The following LTBP1 variants were observed in gnomAD, a reference collection of about 807,000 sequenced individuals.
The protein encoded by LTBP1 is latent-transforming growth factor beta-binding protein 1.
LTBP1 carries 129 observed loss-of-function variants against 207.6 expected under a neutral mutation model. That is an observed-to-expected ratio of 0.62 (90% CI 0.54 to 0.72). The LOEUF (loss-of-function observed/expected upper bound fraction) is 0.72. LTBP1 is among the 30% of genes least tolerant of loss of function. LTBP1 has a pLI of 0.00. For synonymous variants in LTBP1, 963 were observed against 833.7 expected (o/e 1.16, Z -2.67); for missense variants, 2,281 against 2,217.2 (o/e 1.03, Z -0.58).
chr2:33,370,229 A>G (rs567142222), intron 31 of LTBP1, among the ~76,000 whole-genome samples: 92 of 152,256 alleles, frequency 6.0e-4, no homozygotes, highest in Non-Finnish European at 9.6e-4. Context: ...TGCATTTTCA[A>G]ATGTAATTAA....
chr2:33,108,864 T>C (rs2080225578), intron 3 of LTBP1, among the ~76,000 whole-genome samples: 4 of 152,170 alleles, frequency 2.6e-5, no homozygotes, highest in Admixed American at 2.0e-4. Context: ...TGCTGCTCTA[T>C]CCCAACCAAA....
At chr2:33,145,757 C>T (rs1321353345) in intron 5 of LTBP1, among the ~76,000 whole-genome samples, 1 of 152,020 alleles carries the variant, frequency 6.6e-6, no homozygotes, top group East Asian at 1.9e-4. Flanking sequence ...AACATTAATG[C>T]CAAAATTGTG....
chr2:33,324,742 C>T lies in LTBP1; in HGVS notation c.3730+9473C>T, dbSNP rs147746837. Among the ~76,000 whole-genome samples the T allele has an allele frequency of 5.9e-3, 855 of 145,112 alleles. 6 individuals carry two copies. The highest frequency in any genetic ancestry group is 0.022 in the African/African-American group (822 of 37,972). On this transcript the variant is annotated intron_variant, in intron 24 of 33. Transcript: ENST00000404816. ...TTTGAGACGGAGTCTCCTTCTGTCACCCAGGCTGGAGTGCAGTAGCGTGAT... is the reference window on the plus strand; with the variant it reads ...TTTGAGACGGAGTCTCCTTCTGTCATCCAGGCTGGAGTGCAGTAGCGTGAT...
intron 11 of LTBP1, among the ~76,000 whole-genome samples, chr2:33,254,851 GGTTTTTTTTTTTTTTTTTT>G (rs1388876620): frequency 7.1e-4 from 5 of 7,062 alleles, no homozygotes; most frequent in African/African-American, 1.8e-3. Context: ...TGCGGTGTTT[GGTTTTTTTTTTTTTTTTTT>G]TTTTTTTTTT....
chr2:33,268,997 G>A (rs751949674), intron 15 of LTBP1, among the ~76,000 whole-genome samples: 30 of 152,100 alleles, frequency 2.0e-4, no homozygotes, highest in Non-Finnish European at 3.5e-4. Context: ...TGTCCCTCAA[G>A]CATATTACCA....
chr2:33,361,396 T>TG, intron 27 of LTBP1, 33 bp from the exon 28 acceptor site: 1 of 1,025,428 alleles, frequency 9.8e-7, no homozygotes, highest in South Asian at 1.4e-5. Flanking sequence ...AGATGTTGAA[T>TG]CTTTTTTTTT....
At chr2:33,149,922 G>A (rs2083375825) in intron 5 of LTBP1, among the ~76,000 whole-genome samples, 1 of 152,110 alleles carries the variant, frequency 6.6e-6, no homozygotes, top group African/African-American at 2.4e-5. Context: ...CCTTGGGAGG[G>A]TATGGGTTTG....
At chr2:33,241,033 G>A (rs1365279559) in intron 9 of LTBP1, among the ~76,000 whole-genome samples, 1 of 152,156 alleles carries the variant, frequency 6.6e-6, no homozygotes, top group African/African-American at 2.4e-5. Context: ...ACTTAAGATT[G>A]ATATATTCTA....
chr2:33,172,952 C>G (rs909180810), intron 5 of LTBP1, among the ~76,000 whole-genome samples: 1 of 152,050 alleles, frequency 6.6e-6, no homozygotes, highest in African/African-American at 2.4e-5. Flanking sequence ...TTCTTTGAAA[C>G]CAACGAGAAC....
In LTBP1 at chr2:33,347,259, G is replaced by T. The variant is rs138676732; in HGVS notation, c.3857-108G>T. 9 of 1,254,118 alleles carry T rather than the reference G, an allele frequency of 7.2e-6. No individual in the cohort carries two copies. The Admixed American group carries it at 9.9e-5, about 14-fold the overall frequency. 77.7% of individuals were successfully genotyped at this position (1,254,118 alleles called of 1,614,324 possible). On this transcript the variant is annotated intron_variant, in intron 25 of 33. Coordinates refer to ENST00000404816, the MANE Select transcript of LTBP1 (RefSeq NM_206943.4). ...AGAAGGGGTTTGACTGCTCTCTGGG[G>T]ATCGCCTTCTTTTCAGCAAGACACT...
intron 7 of LTBP1, among the ~76,000 whole-genome samples, chr2:33,203,754 A>G (rs1190453226): frequency 1.3e-5 from 2 of 152,206 alleles, no homozygotes; most frequent in Non-Finnish European, 2.9e-5. Flanking sequence ...CTGTTCCTAC[A>G]TAGGAATAAG....
chr2:33,304,548 C>T lies in LTBP1; in HGVS notation c.3481+2904C>T, dbSNP rs190760836. Among the ~76,000 whole-genome samples the T allele has an allele frequency of 2.0e-3, 310 of 152,328 alleles. 2 individuals carry two copies. The highest frequency in any genetic ancestry group is 6.9e-3 in the African/African-American group (285 of 41,574). Reference sequence around the variant, plus strand: ...TGCCTGCTTCTGTGCGCTACTGACTCCAGCATGCTTGGTAGCTAGTCATTC... The same window carrying T: ...TGCCTGCTTCTGTGCGCTACTGACTTCAGCATGCTTGGTAGCTAGTCATTC... On this transcript the variant is annotated intron_variant, in intron 22 of 33. Coordinates refer to ENST00000404816, the MANE Select transcript of LTBP1 (RefSeq NM_206943.4).
chr2:33,003,627 C>A (rs1686360432), intron 2 of LTBP1, among the ~76,000 whole-genome samples: 1 of 152,116 alleles, frequency 6.6e-6, no homozygotes, highest in African/African-American at 2.4e-5. Flanking sequence ...AAGTCACAGG[C>A]AGGGTGGTAG....
chr2:33,035,008 C>T (rs1037950767), intron 3 of LTBP1, among the ~76,000 whole-genome samples: 1 of 152,200 alleles, frequency 6.6e-6, no homozygotes, highest in African/African-American at 2.4e-5. Context: ...TATGTCATTT[C>T]TTGGCAGTGC....
At chr2:33,079,926 T>C (rs2078301752) in intron 3 of LTBP1, among the ~76,000 whole-genome samples, 1 of 108,286 alleles carries the variant, frequency 9.2e-6, no homozygotes, top group African/African-American at 2.8e-5. Flanking sequence ...TTTCTCTGTG[T>C]TCCAAATGTA....
At chr2:33,213,918 G>A (rs1026700455) in intron 7 of LTBP1, among the ~76,000 whole-genome samples, 1 of 152,156 alleles carries the variant, frequency 6.6e-6, no homozygotes, top group Non-Finnish European at 1.5e-5. Flanking sequence ...GGGATAAAGC[G>A]GCCTGAATCA....
rs1573557657 is a variant in LTBP1 at position 33,275,063 on chromosome 2, G to A, written c.2842G>A (p.Ala948Thr). The A allele has an allele frequency of 1.2e-6, 2 of 1,613,974 alleles. No homozygotes were observed. Among genetic ancestry groups the A allele is most frequent in the East Asian group, 4.5e-5 (2 of 44,870 alleles). The change falls in exon 17 of 34, where the codon GCC becomes ACC. Residue 948 changes from alanine to threonine, a missense_variant. Ala to Thr is a moderately conservative substitution (Grantham distance 58). Transcript: ENST00000404816. ...FLCICPAGFM[A>T]SEEGTNCIDV... Reference sequence around the variant, plus strand: ...GTGCATTTGCCCAGCAGGATTTATGGCCAGTGAGGAGGGTACTAACTGCAT... The same window carrying A: ...GTGCATTTGCCCAGCAGGATTTATGACCAGTGAGGAGGGTACTAACTGCAT...
At chr2:33,017,120 G>T (rs1385203296) in intron 2 of LTBP1, among the ~76,000 whole-genome samples, 1 of 152,184 alleles carries the variant, frequency 6.6e-6, no homozygotes, top group Non-Finnish European at 1.5e-5. Context: ...TAAATGCTAT[G>T]AATTTTTGCA....
chr2:33,174,788 G>C (rs1333664538), intron 5 of LTBP1, among the ~76,000 whole-genome samples: 1 of 152,092 alleles, frequency 6.6e-6, no homozygotes, highest in Non-Finnish European at 1.5e-5. Context: ...AAAACAGCAT[G>C]GTACTGGTAC....
Sources: gnomAD v4.1 joint callset for allele counts (sites outside exome capture counted in the v4.1 genomes callset) on GRCh38, gnomAD v4.1.1 for gene constraint, MANE v1.5 for transcripts, NCBI Gene and HGNC (gene_info 2026-07-23, HGNC 2026-07-21) for gene names.